Variants in CAMSAP1 observed in about 807,000 individuals in gnomAD.
The protein encoded by CAMSAP1 is calmodulin-regulated spectrin-associated protein 1.
Under a neutral mutation model 143.5 loss-of-function variants are expected in CAMSAP1, and 58 were observed. The ratio of observed to expected loss-of-function variants is 0.40; its 90% CI spans 0.33 to 0.50. The LOEUF is 0.50. Ranked by LOEUF, CAMSAP1 falls within the 20% of genes least tolerant of loss-of-function variation. The pLI is 0.45. For synonymous variants in CAMSAP1, 945 were observed against 859.3 expected (o/e 1.10, Z -1.74); for missense variants, 1,969 against 2,115.7 (o/e 0.93, Z 1.36).
At chr9:135,817,357 G>A (rs1461667670) in intron 14 of CAMSAP1, among the ~76,000 whole-genome samples, 1 of 152,150 alleles carries the variant, frequency 6.6e-6, no homozygotes, top group African/African-American at 2.4e-5. Flanking sequence ...TAAAAGGCCA[G>A]ACATCTCCAA....
intron 3 of CAMSAP1, among the ~76,000 whole-genome samples, chr9:135,869,492 G>C (rs1837497290): frequency 6.8e-6 from 1 of 146,820 alleles, no homozygotes; most frequent in African/African-American, 2.5e-5. Flanking sequence ...AAAAGGGCGA[G>C]ACTCAGTCTC....
chr9:135,815,240 A>C (rs773904820), intron 15 of CAMSAP1, 25 bp from the exon 16 acceptor site: 2 of 1,524,934 alleles, frequency 1.3e-6, no homozygotes, highest in South Asian at 2.4e-5. Context: ...CAGGGTTGGT[A>C]AAATTATTAT....
intron 4 of CAMSAP1, among the ~76,000 whole-genome samples, chr9:135,862,939 C>G (rs1837250493): frequency 6.6e-6 from 1 of 152,156 alleles, no homozygotes; most frequent in Admixed American, 6.5e-5. Context: ...GAACACACAC[C>G]TACACTACCG....
intron 1 of CAMSAP1, among the ~76,000 whole-genome samples, chr9:135,888,364 T>A (rs748704386): frequency 1.2e-4 from 19 of 152,186 alleles, no homozygotes; most frequent in Non-Finnish European, 2.4e-4. Flanking sequence ...GGAGGAGGTG[T>A]CCACACCAAC....
intron 11 of CAMSAP1, among the ~76,000 whole-genome samples, chr9:135,819,773 G>A (rs1480376491): frequency 1.3e-5 from 2 of 151,912 alleles, no homozygotes; most frequent in Admixed American, 1.3e-4. Context: ...CTTGAACTCG[G>A]GAGGCAGAGG....
In CAMSAP1 at chr9:135,811,300, G is replaced by A. The variant is rs754523990; in HGVS notation, c.*9C>T. On this transcript the variant is annotated 3_prime_UTR_variant, in exon 17 of 17. Transcript: ENST00000389532. This position sits in a 1 kb window ranked among gnomAD's most constrained non-coding sequence, Gnocchi z 4.9. Reference sequence around the variant, plus strand: ...CTGGGTCACCCTTTGGACGCCAGCTGCACCGGGGTCATTTACGAGTCTGGG... The same window carrying A: ...CTGGGTCACCCTTTGGACGCCAGCTACACCGGGGTCATTTACGAGTCTGGG... The A allele has an allele frequency of 7.5e-6, 12 of 1,610,216 alleles. No individual in the cohort carries two copies. In the East Asian group the frequency reaches 2.7e-4, roughly 36 times the overall value.
intron 16 of CAMSAP1, among the ~76,000 whole-genome samples, chr9:135,813,780 A>T (rs1197190465): frequency 1.3e-5 from 2 of 152,234 alleles, no homozygotes; most frequent in Non-Finnish European, 2.9e-5. Context: ...GTTTCCTCCC[A>T]GGCGTCAGGC....
chr9:135,811,845 C>T lies in CAMSAP1; in HGVS notation c.4507-234G>A, dbSNP rs1407918316. 1.3e-5 allele frequency among the ~76,000 whole-genome samples: 2 copies of T among 152,192 alleles called. No homozygotes were observed. The highest frequency in any genetic ancestry group is 2.4e-5 in the African/African-American group (1 of 41,430). ...AGCAAGGGGGAAAAGAATGCTTTTA[C>T]GATTAAATGGAAAAGCATATGAAAA... On this transcript the variant is annotated intron_variant, in intron 16 of 16. Transcript: ENST00000389532. The surrounding 1 kb of genome is among the most constrained non-coding windows in gnomAD (Gnocchi z 4.9).
At chr9:135,861,749 A>T (rs1837200400) in intron 5 of CAMSAP1, among the ~76,000 whole-genome samples, 1 of 152,234 alleles carries the variant, frequency 6.6e-6, no homozygotes, top group African/African-American at 2.4e-5. Flanking sequence ...TTTCCATATT[A>T]GTTTGGGGGG....
intron 1 of CAMSAP1, among the ~76,000 whole-genome samples, chr9:135,901,009 G>A (rs1391211060): frequency 2.0e-5 from 3 of 152,028 alleles, no homozygotes; most frequent in Admixed American, 6.5e-5. Context: ...CCACCTCAAC[G>A]TCCCAAAGTG....
chr9:135,837,714 T>A (rs1836135785), intron 7 of CAMSAP1, among the ~76,000 whole-genome samples: 1 of 148,388 alleles, frequency 6.7e-6, no homozygotes, highest in South Asian at 2.2e-4. Context: ...CCACGCACGT[T>A]CTACAGACAC....
At chr9:135,890,646 C>A (rs1392689647) in intron 1 of CAMSAP1, among the ~76,000 whole-genome samples, 1 of 152,200 alleles carries the variant, frequency 6.6e-6, no homozygotes, top group Non-Finnish European at 1.5e-5. Context: ...GACTAGAGCA[C>A]GGCTCTGAGG....
intron 1 of CAMSAP1, among the ~76,000 whole-genome samples, chr9:135,885,500 G>A (rs913795155): frequency 4.6e-5 from 7 of 152,180 alleles, no homozygotes; most frequent in South Asian, 2.1e-4. Context: ...GGACAGGCAC[G>A]TAAGTGGAGG....
At chr9:135,887,408 G>A (rs1838157810) in intron 1 of CAMSAP1, among the ~76,000 whole-genome samples, 1 of 152,202 alleles carries the variant, frequency 6.6e-6, no homozygotes, top group Non-Finnish European at 1.5e-5. Context: ...AGGCACAGAA[G>A]GAAGGAAGTG....
At chr9:135,842,081 C>T (rs1486540416) in intron 7 of CAMSAP1, among the ~76,000 whole-genome samples, 1 of 152,078 alleles carries the variant, frequency 6.6e-6, no homozygotes, top group Non-Finnish European at 1.5e-5. Context: ...TAACTTAATG[C>T]AAGGAAGCTA....
chr9:135,853,617 C>T (rs974012430), intron 5 of CAMSAP1, among the ~76,000 whole-genome samples: 11 of 152,358 alleles, frequency 7.2e-5, no homozygotes, highest in African/African-American at 2.6e-4. Flanking sequence ...GGATTTTCTT[C>T]GCCTCTCTTC....
chr9:135,899,007 T>G lies in CAMSAP1; in HGVS notation c.160+7993A>C, dbSNP rs552946671. On this transcript the variant is annotated intron_variant, in intron 1 of 16. Transcript: ENST00000389532. Reference sequence around the variant, plus strand: ...GTGAGCTAGCCATACCATGGAATATTATTACTAAGCAAAAAAGATCTACAC... The same window carrying G: ...GTGAGCTAGCCATACCATGGAATATGATTACTAAGCAAAAAAGATCTACAC... Among the ~76,000 whole-genome samples the G allele has an allele frequency of 9.3e-5, 10 of 108,008 alleles. No homozygotes were observed. In the Middle Eastern group the frequency reaches 0.021, roughly 228 times the overall value. 70.9% of individuals were successfully genotyped at this position (108,008 alleles called of 152,430 possible). A position where few individuals can be genotyped will look rare whatever the true frequency, so the allele number is the denominator to read the frequency against.
rs754356280 is a variant in CAMSAP1, at chr9:135,821,086, G to C, written c.3575C>G (p.Ser1192Trp). The C allele has an allele frequency of 6.8e-6, 11 of 1,613,936 alleles. No homozygotes were observed. The East Asian group carries it at 2.2e-4, about 33-fold the overall frequency. ...LSSSKDANILSEQMSLKEVLD... is the reference protein window; with the variant it reads ...LSSSKDANILWEQMSLKEVLD... Reference sequence around the variant, plus strand: ...AACTTCTTTGAGGCTCATCTGCTCCGAAAGAATGTTGGCATCTTTGGAAGA... The same window carrying C: ...AACTTCTTTGAGGCTCATCTGCTCCCAAAGAATGTTGGCATCTTTGGAAGA... The change falls in exon 11 of 17, where the codon TCG becomes TGG. Residue 1192 changes from serine (S) to tryptophan (W), a missense_variant. Physicochemically the swap from Ser to Trp is radical, Grantham distance 177. This residue lies in a region of CAMSAP1 where 1,390 missense variants were observed against 1,420.8 expected (regional missense o/e 0.98). Coordinates refer to ENST00000389532, the MANE Select transcript of CAMSAP1 (RefSeq NM_015447.4). The surrounding 1 kb of genome is among the most constrained non-coding windows in gnomAD (Gnocchi z 4.6).
intron 7 of CAMSAP1, among the ~76,000 whole-genome samples, chr9:135,829,624 C>G (rs1270279384): frequency 2.0e-5 from 3 of 152,138 alleles, no homozygotes; most frequent in Admixed American, 6.5e-5. Flanking sequence ...GAGGCCGAAG[C>G]TGGTGGATCA....
Sources: allele counts gnomAD v4.1 joint callset (sites outside exome capture counted in the v4.1 genomes callset), GRCh38; gene constraint gnomAD v4.1.1; regional missense constraint gnomAD v4.1.1; non-coding constraint Gnocchi (gnomAD v3.1); transcripts MANE v1.5; gene names NCBI Gene and HGNC (gene_info 2026-07-23, HGNC 2026-07-21).